Variants in AFAP1L2 observed in about 807,000 individuals in gnomAD.
AFAP1L2 encodes the protein actin filament-associated protein 1-like 2.
AFAP1L2 carries 46 observed loss-of-function variants against 99.3 expected under a neutral mutation model. That is an observed-to-expected ratio of 0.46 (90% CI 0.37 to 0.59). The LOEUF is 0.59. Ranked by LOEUF, AFAP1L2 falls within the 20% of genes least tolerant of loss-of-function variation. The probability of loss-of-function intolerance (pLI) is 0.00; values close to 1 mark genes in which losing one functional copy is unlikely to be tolerated. For synonymous variants in AFAP1L2, 397 were observed against 419.1 expected (o/e 0.95, Z 0.64); for missense variants, 959 against 1,034.9 (o/e 0.93, Z 1.01).
In AFAP1L2 at chr10:114,329,871, G is replaced by A. The variant is rs546321705; in HGVS notation, c.315+1932C>T. Among the ~76,000 whole-genome samples, 24 of 152,332 alleles carry A rather than the reference G, an allele frequency of 1.6e-4. 1 individual carries two copies. The South Asian group carries it at 2.1e-3, about 13-fold the overall frequency. ...CCTAGTACTTCCCAACTGTGGGACC[G>A]TGGCCAGTGGTTTTTAACTCTGAGT... On this transcript the variant is annotated intron_variant, in intron 4 of 18. Coordinates refer to ENST00000304129, the MANE Select transcript of AFAP1L2 (RefSeq NM_001001936.3).
chr10:114,285,101 A>G, the AFAP1L2 span: 2 of 653,520 alleles, frequency 3.1e-6, no homozygotes, highest in African/African-American at 3.8e-5. Flanking sequence ...CCAATGCACC[A>G]CTGGTCTGCA....
intron 1 of AFAP1L2, among the ~76,000 whole-genome samples, chr10:114,360,609 T>C (rs1357072497): frequency 6.6e-6 from 1 of 151,742 alleles, no homozygotes; most frequent in Admixed American, 6.6e-5. Flanking sequence ...TCTGTTTCTC[T>C]GGAGAACCTG....
At chr10:114,369,550 G>A (rs935978736) in intron 1 of AFAP1L2, among the ~76,000 whole-genome samples, 5 of 147,102 alleles carry the variant, frequency 3.4e-5, no homozygotes, top group South Asian at 2.2e-4. Flanking sequence ...AGCCGACATC[G>A]TGCCACTGCA....
At chr10:114,329,273 A>G (rs114314536) in intron 4 of AFAP1L2, among the ~76,000 whole-genome samples, 7 of 152,308 alleles carry the variant, frequency 4.6e-5, no homozygotes, top group African/African-American at 1.7e-4. Context: ...CTGGCTGAGG[A>G]ACAGAAGCCA....
At position 114,299,359 on chromosome 10, in the gene AFAP1L2, TCTC is replaced by T. The variant is rs767620086; in HGVS notation, c.2011_2013del (p.Glu671del). ...TCCTTCTTCTTTTCAAGCCTCTCCT[TCTC>T]CTCTGTGTACCGCTTCACCTCAGCT... On this transcript the variant is annotated inframe_deletion, in exon 16 of 19. Coordinates refer to ENST00000304129, the MANE Select transcript of AFAP1L2 (RefSeq NM_001001936.3). The T allele has an allele frequency of 5.6e-6, 9 of 1,614,160 alleles. No individual in the cohort carries two copies. Among genetic ancestry groups the T allele is most frequent in the East Asian group, 2.2e-5 (1 of 44,876 alleles).
chr10:114,380,120 T>A (rs966004888), intron 1 of AFAP1L2, among the ~76,000 whole-genome samples: 3 of 152,218 alleles, frequency 2.0e-5, no homozygotes, highest in Non-Finnish European at 4.4e-5. Flanking sequence ...CACTGGGTGA[T>A]GACCATATTT....
rs1376628870 is a variant in AFAP1L2 at position 114,295,805 on chromosome 10, C to CTTGT, written c.*233_*236dup. ...CACAGAACATCCCTAAATACAACGT[C>CTTGT]TTGTTTACATCCAATAGACTTAGGT... On this transcript the variant is annotated 3_prime_UTR_variant, in exon 19 of 19. Coordinates refer to ENST00000304129, the MANE Select transcript of AFAP1L2 (RefSeq NM_001001936.3). 1 of 1,327,928 alleles carries CTTGT rather than the reference C, an allele frequency of 7.5e-7. No homozygotes were observed. The highest frequency in any genetic ancestry group is 2.8e-5 in the East Asian group (1 of 35,426). 82.3% of individuals were successfully genotyped at this position (1,327,928 alleles called of 1,614,324 possible). A position where few individuals can be genotyped will look rare whatever the true frequency, so the allele number is the denominator to read the frequency against.
At chr10:114,386,103 G>A (rs2056467462) in intron 1 of AFAP1L2, among the ~76,000 whole-genome samples, 1 of 152,230 alleles carries the variant, frequency 6.6e-6, no homozygotes, top group Admixed American at 6.5e-5. Flanking sequence ...TTCCCAGTCT[G>A]TTGCTGTGAG....
chr10:114,357,932 C>T (rs959050445), intron 1 of AFAP1L2, among the ~76,000 whole-genome samples: 1 of 152,154 alleles, frequency 6.6e-6, no homozygotes, highest in Non-Finnish European at 1.5e-5. Context: ...TTTTAAGGGC[C>T]TTCAATGCTA....
At chr10:114,368,119 T>C (rs2053550589) in intron 1 of AFAP1L2, among the ~76,000 whole-genome samples, 1 of 152,326 alleles carries the variant, frequency 6.6e-6, no homozygotes, top group Admixed American at 6.5e-5. Context: ...AATGGAATAT[T>C]ATTCGGCCTT....
At chr10:114,286,417 C>T in the AFAP1L2 span, 11 of 1,613,708 alleles carry the variant, frequency 6.8e-6, no homozygotes, top group Non-Finnish European at 2.5e-6. Flanking sequence ...AGATCACAGG[C>T]AGCCCAAAGC....
At chr10:114,350,153 G>A (rs556465352) in intron 1 of AFAP1L2, among the ~76,000 whole-genome samples, 42 of 152,242 alleles carry the variant, frequency 2.8e-4, no homozygotes, top group African/African-American at 1.0e-3. Flanking sequence ...CTCAGACAGG[G>A]CCTTTGAAAA....
At chr10:114,360,485 C>CTAGATAGATAGATACATAGA (rs2052106708) in intron 1 of AFAP1L2, among the ~76,000 whole-genome samples, 10 of 124,364 alleles carry the variant, frequency 8.0e-5, no homozygotes, top group African/African-American at 2.8e-4. Context: ...ATCTCAATAT[C>CTAGATAGATAGATACATAGA]TAGATAGATA....
chr10:114,298,778 C>A (rs557132597), intron 16 of AFAP1L2, among the ~76,000 whole-genome samples: 1 of 152,276 alleles, frequency 6.6e-6, no homozygotes, highest in East Asian at 1.9e-4. Flanking sequence ...TCTAGAAAGA[C>A]TTCTTGGCAA....
chr10:114,346,498 G>C (rs1251907599), intron 1 of AFAP1L2, among the ~76,000 whole-genome samples: 1 of 152,160 alleles, frequency 6.6e-6, no homozygotes, highest in Non-Finnish European at 1.5e-5. Context: ...AATCAACAAA[G>C]GCAAGGCCCC....
Position 114,333,214 on chromosome 10 carries a change from C to T in AFAP1L2, c.220+7G>A, listed in dbSNP as rs1327622656. 1 of 1,612,230 alleles carries T rather than the reference C, an allele frequency of 6.2e-7. No individual in the cohort carries two copies. The highest frequency in any genetic ancestry group is 1.7e-5 in the Admixed American group (1 of 60,022). Reference sequence around the variant, plus strand: ...TCATACCAGCGTCAGTGATCCCAGCCTCATACCTTTGCCTTGAGACTCTGC... The same window carrying T: ...TCATACCAGCGTCAGTGATCCCAGCTTCATACCTTTGCCTTGAGACTCTGC... On this transcript the variant is annotated splice_region_variant and intron_variant, in intron 3 of 18. Coordinates refer to ENST00000304129, the MANE Select transcript of AFAP1L2 (RefSeq NM_001001936.3).
At chr10:114,311,811 T>C (rs1240735900) in intron 7 of AFAP1L2, among the ~76,000 whole-genome samples, 1 of 152,242 alleles carries the variant, frequency 6.6e-6, no homozygotes, top group Non-Finnish European at 1.5e-5. Flanking sequence ...TCCCGTTTAC[T>C]GTCATATACC....
At chr10:114,282,411 G>T in the AFAP1L2 span, 1 of 899,094 alleles carries the variant, frequency 1.1e-6, no homozygotes, top group Admixed American at 1.8e-5. Flanking sequence ...TCTTACTTCT[G>T]CATTGGAATC....
intron 1 of AFAP1L2, among the ~76,000 whole-genome samples, chr10:114,344,887 A>C (rs2049286028): frequency 6.6e-6 from 1 of 152,154 alleles, no homozygotes; most frequent in Non-Finnish European, 1.5e-5. Flanking sequence ...ACCTGAGATC[A>C]GGAGTTCGAG....
Sources: gnomAD v4.1 joint callset for allele counts (sites outside exome capture counted in the v4.1 genomes callset) on GRCh38, gnomAD v4.1.1 for gene constraint, MANE v1.5 for transcripts, NCBI Gene and HGNC (gene_info 2026-07-23, HGNC 2026-07-21) for gene names.